IL1RL2: variants seen among roughly 807,000 people sequenced by gnomAD.
The protein encoded by IL1RL2 is interleukin 1 receptor like 2, also known as interleukin-1 receptor-like 2.
In IL1RL2, 68 loss-of-function variants were observed where a neutral mutation model predicts 66.8. The ratio of observed to expected loss-of-function variants is 1.02; its 90% CI spans 0.84 to 1.25. The LOEUF is 1.25. IL1RL2 is among the 50% of genes most tolerant of loss of function. IL1RL2 has a pLI of 0.00. For missense variants in IL1RL2, 729 were observed against 709.3 expected (o/e 1.03, Z -0.32); for synonymous variants, 305 against 264.6 (o/e 1.15, Z -1.48).
chr2:102,215,422 A>G (rs115768289), intron 6 of IL1RL2, among the ~76,000 whole-genome samples: 1 of 152,114 alleles, frequency 6.6e-6, no homozygotes, highest in Non-Finnish European at 1.5e-5. Flanking sequence ...TATGGGCCCT[A>G]TGAAATTACT....
intron 8 of IL1RL2, 44 bp downstream of exon 8, chr2:102,220,061 G>A (rs2302622): frequency 2.1e-5 from 32 of 1,516,418 alleles, no homozygotes; most frequent in South Asian, 2.6e-5. Context: ...TGTTCAAAAC[G>A]ATGGCCAGGA....
chr2:102,212,246 ATTT>A, intron 6 of IL1RL2, 72 bp downstream of exon 6: 2 of 1,102,050 alleles, frequency 1.8e-6, no homozygotes, highest in Non-Finnish European at 2.8e-6. Flanking sequence ...TCTGGTGAAT[ATTT>A]TGAATGTTAA....
In IL1RL2 at chr2:102,238,494, C is replaced by T. The variant is rs1559570751; in HGVS notation, c.1679-698C>T. Among the ~76,000 whole-genome samples the T allele has an allele frequency of 2.0e-5, 3 of 152,286 alleles. No individual in the cohort carries two copies. In the East Asian group the frequency reaches 5.8e-4, roughly 29 times the overall value. ...AGGGAGCCTCAGTCCCCAGGGCCCC[C>T]CACACCCATCAGCACCCCATAGTGA... On this transcript the variant is annotated intron_variant, in intron 11 of 11. Coordinates refer to ENST00000264257, the MANE Select transcript of IL1RL2 (RefSeq NM_003854.4).
At chr2:102,213,042 C>A (rs545587223) in intron 6 of IL1RL2, among the ~76,000 whole-genome samples, 1 of 152,100 alleles carries the variant, frequency 6.6e-6, no homozygotes, top group African/African-American at 2.4e-5. Flanking sequence ...GAAAAAAAAG[C>A]AAATTAGACA....
intron 8 of IL1RL2, among the ~76,000 whole-genome samples, chr2:102,221,587 T>C (rs1016304735): frequency 2.0e-5 from 3 of 152,136 alleles, no homozygotes; most frequent in Admixed American, 6.5e-5. Context: ...CAACACCCAA[T>C]GAGTTGCCAA....
intron 4 of IL1RL2, among the ~76,000 whole-genome samples, chr2:102,200,157 A>G (rs970863163): frequency 1.9e-4 from 28 of 150,024 alleles, no homozygotes; most frequent in Admixed American, 3.3e-4. Flanking sequence ...TCTGTATCCT[A>G]AAGAAGGAGA....
intron 8 of IL1RL2, 109 bp downstream of exon 8, chr2:102,220,126 T>C (rs1689973710): frequency 1.0e-6 from 1 of 963,496 alleles, no homozygotes; most frequent in Non-Finnish European, 1.4e-6. Context: ...ATGAGGGTGA[T>C]ATTAAAGGGA....
In IL1RL2 at chr2:102,218,972, C is replaced by A; in HGVS notation, c.744C>A (p.Asp248Glu). The A allele has an allele frequency of 6.2e-7, 1 of 1,612,922 alleles. No individual in the cohort carries two copies. The highest frequency in any genetic ancestry group is 8.5e-7 in the Non-Finnish European group (1 of 1,179,142). Reference sequence around the variant, plus strand: ...TTTTAGGTACCACTCTGATTGTGGACTGCAATGTAACAGACACCAAGGATA... The same window carrying A: ...TTTTAGGTACCACTCTGATTGTGGAATGCAATGTAACAGACACCAAGGATA... ...EVQLGTTLIV[D>E]CNVTDTKDNT... is the part of the protein sequence containing the mutation. The change falls in exon 7 of 12, where the codon GAC becomes GAA. Residue 248 changes from aspartate (D) to glutamate (E), a missense_variant. Physicochemically the swap from Asp to Glu is conservative, Grantham distance 45 (BLOSUM62 2). Coordinates refer to ENST00000264257, the MANE Select transcript of IL1RL2 (RefSeq NM_003854.4).
At chr2:102,198,722 T>G (rs946203864) in intron 4 of IL1RL2, among the ~76,000 whole-genome samples, 1 of 152,188 alleles carries the variant, frequency 6.6e-6, no homozygotes, top group African/African-American at 2.4e-5. Flanking sequence ...TATTTGGGTC[T>G]TAGGATTTGA....
intron 10 of IL1RL2, among the ~76,000 whole-genome samples, chr2:102,234,495 T>C (rs1161280597): frequency 6.6e-6 from 1 of 152,198 alleles, no homozygotes; most frequent in Non-Finnish European, 1.5e-5. Context: ...GTCATGTTTA[T>C]TTTAAAGTCC....
intron 11 of IL1RL2, chr2:102,235,991 T>C (rs1674845297): frequency 1.0e-6 from 1 of 961,656 alleles, no homozygotes; most frequent in Non-Finnish European, 1.2e-6. Flanking sequence ...TTTAGACACA[T>C]GTCAACCAGA....
At chr2:102,192,859 G>T (rs1395998493) in intron 4 of IL1RL2, among the ~76,000 whole-genome samples, 2 of 152,150 alleles carry the variant, frequency 1.3e-5, no homozygotes, top group Non-Finnish European at 2.9e-5. Flanking sequence ...AATGGTGAAA[G>T]AATTACGCAA....
chr2:102,194,696 T>C (rs1388408876), intron 4 of IL1RL2, among the ~76,000 whole-genome samples: 1 of 150,148 alleles, frequency 6.7e-6, no homozygotes, highest in East Asian at 2.0e-4. Context: ...ATTTTCTTAT[T>C]GGCACTTGGA....
At chr2:102,217,995 C>T (rs570135161) in intron 6 of IL1RL2, among the ~76,000 whole-genome samples, 1 of 152,042 alleles carries the variant, frequency 6.6e-6, no homozygotes, top group Non-Finnish European at 1.5e-5. Context: ...AAAACATAAT[C>T]TACAGAATGG....
At position 102,221,195 on chromosome 2, in the gene IL1RL2, A is replaced by G. The variant is rs1482916227; in HGVS notation, c.991+1178A>G. Among the ~76,000 whole-genome samples the G allele has an allele frequency of 3.3e-5, 5 of 151,850 alleles. No homozygotes were observed. The South Asian group carries it at 6.2e-4, about 19-fold the overall frequency. The stretch of plus-strand genomic sequence containing the variant: ...TCTTTGTCATAAAGCATCCTTCTCC[A>G]TCACTTTCCCCCAGTCAGTCTTGTG... On this transcript the variant is annotated intron_variant, in intron 8 of 11. Transcript: ENST00000264257.
At chr2:102,213,636 A>G (rs964084544) in intron 6 of IL1RL2, among the ~76,000 whole-genome samples, 11 of 152,192 alleles carry the variant, frequency 7.2e-5, no homozygotes, top group Admixed American at 7.2e-4. Flanking sequence ...GATAGTGAGA[A>G]TACGTCATAT....
rs1470100806 is a variant in IL1RL2 at position 102,191,984 on chromosome 2, G to A, written c.353G>A (p.Cys118Tyr). The change falls in exon 4 of 12, where the codon TGT (cysteine) becomes TAT (tyrosine). Residue 118 changes from cysteine (C) to tyrosine (Y), a missense_variant. Physicochemically the swap from Cys to Tyr is radical, Grantham distance 194 (BLOSUM62 -2). Coordinates refer to ENST00000264257, the MANE Select transcript of IL1RL2 (RefSeq NM_003854.4). ...VNLTVFEKHW[C>Y]DTSIGGLPNL... is the part of the protein sequence containing the mutation. ...CTAACTGTTTTTGAAAAACATTGGT[G>A]TGACACTTCCATAGGTGGTTTACCA... The A allele has an allele frequency of 1.2e-6, 2 of 1,612,594 alleles. No homozygotes were observed. Among genetic ancestry groups the A allele is most frequent in the Admixed American group, 1.7e-5 (1 of 59,740 alleles).
At chr2:102,223,888 T>C (rs3771188) in intron 8 of IL1RL2, among the ~76,000 whole-genome samples, 24,215 of 152,094 alleles carry the variant, frequency 0.16, 2,382 homozygotes, top group Admixed American at 0.29. Flanking sequence ...TGTCTTATGA[T>C]TGAAGTGAGA....
At chr2:102,192,495 T>G (rs1029611389) in intron 4 of IL1RL2, among the ~76,000 whole-genome samples, 2 of 152,204 alleles carry the variant, frequency 1.3e-5, no homozygotes, top group Non-Finnish European at 2.9e-5. Context: ...TACCGTTCCA[T>G]ATTTGTTCTG....
Sources: gnomAD v4.1 joint callset for allele counts (sites outside exome capture counted in the v4.1 genomes callset) on GRCh38, gnomAD v4.1.1 for gene constraint, MANE v1.5 for transcripts, NCBI Gene and HGNC (gene_info 2026-07-23, HGNC 2026-07-21) for gene names.